The following ZNF385D variants were observed in gnomAD, a reference collection of about 807,000 sequenced individuals.
The protein encoded by ZNF385D is zinc finger protein 659.
ZNF385D carries 15 observed loss-of-function variants against 35.8 expected under a neutral mutation model. That is an observed-to-expected ratio of 0.42 (90% CI 0.28 to 0.64). The LOEUF (loss-of-function observed/expected upper bound fraction) is 0.64, where lower values mean the gene tolerates loss of function less well. Ranked by LOEUF, ZNF385D falls within the 30% of genes least tolerant of loss-of-function variation. The pLI, the probability that ZNF385D is intolerant of heterozygous loss-of-function variation, is 0.23. For missense variants in ZNF385D, 474 were observed against 494.6 expected (o/e 0.96, Z 0.39); for synonymous variants, 212 against 186.8 (o/e 1.13, Z -1.10).
At chr3:21,663,673 T>G (rs1026326439) in intron 2 of ZNF385D, among the ~76,000 whole-genome samples, 3 of 151,620 alleles carry the variant, frequency 2.0e-5, no homozygotes, top group Non-Finnish European at 2.9e-5. Context: ...TTATGTTGCT[T>G]TATTTATGAG....
At chr3:21,806,100 C>G (rs538823485) in intron 3 of ZNF385D, among the ~76,000 whole-genome samples, 1 of 152,186 alleles carries the variant, frequency 6.6e-6, no homozygotes, top group East Asian at 1.9e-4. Flanking sequence ...GCTTATTTGT[C>G]TGGTACTCAA....
intron 3 of ZNF385D, among the ~76,000 whole-genome samples, chr3:21,997,312 A>G (rs1305977811): frequency 6.6e-6 from 1 of 152,212 alleles, no homozygotes; most frequent in African/African-American, 2.4e-5. Context: ...AACACTTTGG[A>G]CACAGGGTGG....
rs570011786 is a variant in ZNF385D at position 21,852,711 on chromosome 3, G to A, written c.326-187683C>T. ...AAAAATTGACAAAGAATAAAATTGGGGGTAAGATGAAAAGTTATGAATTGA... is the reference window on the plus strand; with the variant it reads ...AAAAATTGACAAAGAATAAAATTGGAGGTAAGATGAAAAGTTATGAATTGA... On this transcript the variant is annotated intron_variant, in intron 3 of 5. Coordinates refer to the ZNF385D transcript ENST00000494108. 2.6e-5 allele frequency among the ~76,000 whole-genome samples: 4 copies of A among 151,944 alleles called. No individual in the cohort carries two copies. In the South Asian group the frequency reaches 8.3e-4, roughly 32 times the overall value.
intron 3 of ZNF385D, among the ~76,000 whole-genome samples, chr3:21,817,689 G>A (rs896392562): frequency 1.3e-5 from 2 of 152,190 alleles, no homozygotes; most frequent in Non-Finnish European, 2.9e-5. Context: ...GTGCTGGAGA[G>A]GATGTGGAGA....
intron 4 of ZNF385D, among the ~76,000 whole-genome samples, chr3:21,480,590 A>G (rs755602102): frequency 6.6e-6 from 1 of 151,968 alleles, no homozygotes; most frequent in Non-Finnish European, 1.5e-5. Context: ...GCTCCTTCCA[A>G]TGAAGAAAGA....
At chr3:21,994,580 C>T (rs1362160713) in intron 3 of ZNF385D, among the ~76,000 whole-genome samples, 1 of 151,824 alleles carries the variant, frequency 6.6e-6, no homozygotes, top group East Asian at 1.9e-4. Flanking sequence ...TTATTGTGTT[C>T]CTTCAGAAAT....
At chr3:21,713,616 G>C (rs910944961) in intron 1 of ZNF385D, among the ~76,000 whole-genome samples, 3 of 151,994 alleles carry the variant, frequency 2.0e-5, no homozygotes, top group Non-Finnish European at 4.4e-5. Context: ...ATAGCACTTC[G>C]TTCCCTATCA....
chr3:22,061,590 C>T (rs1207979133), intron 3 of ZNF385D, among the ~76,000 whole-genome samples: 1 of 152,186 alleles, frequency 6.6e-6, no homozygotes, highest in African/African-American at 2.4e-5. Flanking sequence ...AGGATCTGAT[C>T]CTCAATTACA....
At chr3:21,707,871 T>C (rs938483752) in intron 1 of ZNF385D, among the ~76,000 whole-genome samples, 1 of 152,084 alleles carries the variant, frequency 6.6e-6, no homozygotes, top group South Asian at 2.1e-4. Flanking sequence ...AGATGAGAAG[T>C]GAGTAAGCAG....
intron 3 of ZNF385D, among the ~76,000 whole-genome samples, chr3:21,838,069 C>A (rs771012324): frequency 1.3e-5 from 2 of 152,024 alleles, no homozygotes; most frequent in African/African-American, 2.4e-5. Flanking sequence ...CATAACTGCA[C>A]ATTAACAGTA....
At chr3:21,716,759 T>C (rs962124511) in intron 1 of ZNF385D, among the ~76,000 whole-genome samples, 2 of 152,198 alleles carry the variant, frequency 1.3e-5, no homozygotes, top group Non-Finnish European at 2.9e-5. Flanking sequence ...AAATGTAAGT[T>C]CTATCAGGTT....
chr3:22,182,583 T>C (rs151268597), intron 2 of ZNF385D, among the ~76,000 whole-genome samples: 21 of 152,166 alleles, frequency 1.4e-4, no homozygotes, highest in African/African-American at 5.1e-4. Context: ...CATTGACTAA[T>C]GTATCACTAT....
chr3:21,498,763 G>A (rs1353452091), intron 4 of ZNF385D, among the ~76,000 whole-genome samples: 2 of 151,960 alleles, frequency 1.3e-5, no homozygotes, highest in South Asian at 2.1e-4. Flanking sequence ...CCATCATGGT[G>A]AAACCCCGTC....
intron 3 of ZNF385D, among the ~76,000 whole-genome samples, chr3:21,975,402 G>A (rs768417467): frequency 1.3e-5 from 2 of 152,052 alleles, no homozygotes; most frequent in Non-Finnish European, 2.9e-5. Context: ...GGTTACCAGA[G>A]GTTGGAAGGG....
At chr3:22,068,592 A>C (rs1004905642) in intron 3 of ZNF385D, among the ~76,000 whole-genome samples, 1 of 152,208 alleles carries the variant, frequency 6.6e-6, no homozygotes, top group African/African-American at 2.4e-5. Flanking sequence ...CAGGTTCAAC[A>C]TGATCCATCC....
rs915259419 is a variant in ZNF385D, at chr3:22,195,288, C to T, written c.107-26253G>A. Among the ~76,000 whole-genome samples the T allele has an allele frequency of 6.6e-5, 10 of 151,956 alleles. No individual in the cohort carries two copies. In the South Asian group the frequency reaches 2.1e-3, roughly 32 times the overall value. On this transcript the variant is annotated intron_variant, in intron 2 of 5. Transcript: ENST00000494108. ...GAAGAAACATATTTTAATGTGTTTA[C>T]GTGTCATACATATATTCTCTTTGCT...
intron 3 of ZNF385D, among the ~76,000 whole-genome samples, chr3:21,884,852 T>C (rs984839531): frequency 6.6e-6 from 1 of 152,062 alleles, no homozygotes; most frequent in Non-Finnish European, 1.5e-5. Context: ...TTTATTTGCT[T>C]GTTGATTTAT....
chr3:21,697,601 C>T (rs1165434224), intron 1 of ZNF385D, among the ~76,000 whole-genome samples: 3 of 151,910 alleles, frequency 2.0e-5, no homozygotes, highest in Non-Finnish European at 4.4e-5. Flanking sequence ...CAAAAATGGA[C>T]AAATGGGACT....
At chr3:22,162,871 G>T (rs1372066148) in intron 3 of ZNF385D, among the ~76,000 whole-genome samples, 1 of 152,178 alleles carries the variant, frequency 6.6e-6, no homozygotes, top group African/African-American at 2.4e-5. Context: ...AAAATCATTG[G>T]TAGTGTCTTA....
Sources: gnomAD v4.1 joint callset for allele counts (sites outside exome capture counted in the v4.1 genomes callset) on GRCh38, gnomAD v4.1.1 for gene constraint, MANE v1.5 for transcripts, NCBI Gene and HGNC (gene_info 2026-07-23, HGNC 2026-07-21) for gene names.